Variants in GPT2 observed in about 807,000 individuals in gnomAD.
GPT2 encodes the protein alanine aminotransferase 2.
Under a neutral mutation model 56.9 loss-of-function variants are expected in GPT2, and 30 were observed. The observed-to-expected ratio is 0.53, with a 90% CI of 0.39 to 0.72. GPT2 has a LOEUF of 0.72. Among genes scored for constraint, GPT2 ranks in the 30% least tolerant of loss-of-function variants. GPT2 has a pLI of 0.00. For missense variants in GPT2, 542 were observed against 703.4 expected, an observed-to-expected ratio of 0.77 and a Z score of 2.60; for synonymous variants, 271 against 283.1, an observed-to-expected ratio of 0.96 and a Z score of 0.43.
At chr16:46,910,798 G>T (rs1175844857) in intron 6 of GPT2, among the ~76,000 whole-genome samples, 1 of 152,032 alleles carries the variant, frequency 6.6e-6, no homozygotes, top group Non-Finnish European at 1.5e-5. Context: ...ACAGGGTCTT[G>T]CTGTGTGTCC....
At chr16:46,915,199 A>AAT (rs1961120188) in intron 6 of GPT2, 1 of 152,132 alleles carries the variant, frequency 6.6e-6, no homozygotes, top group African/African-American at 2.4e-5. Context: ...GGCGTGAGCC[A>AAT]TTGTAGCAGG....
chr16:46,924,496 C>A lies in GPT2; in HGVS notation c.1320C>A (p.Tyr440Ter). Residue 440 changes from tyrosine (Y) to a stop codon, truncating the protein, a stop_gained, in exon 10 of 12, where the codon TAC becomes TAA. Coordinates refer to ENST00000340124, the MANE Select transcript of GPT2 (RefSeq NM_133443.4). LOFTEE classifies it high-confidence loss of function. ...GCAACCCCTTGCAGGGGGCCATGTA[C>A]GCCTTCCCTCGGATCTTCATTCCTG... The part of the protein sequence containing the change: ...IHCNPLQGAM[Y>*]AFPRIFIPAK... The A allele has an allele frequency of 6.2e-7, 1 of 1,614,228 alleles. No homozygotes were observed. The highest frequency in any genetic ancestry group is 8.5e-7 in the Non-Finnish European group (1 of 1,180,028).
At chr16:46,888,985 C>A (rs1010089123) in intron 2 of GPT2, among the ~76,000 whole-genome samples, 1 of 152,078 alleles carries the variant, frequency 6.6e-6, no homozygotes, top group Non-Finnish European at 1.5e-5. Flanking sequence ...AATAATAATA[C>A]TAATTGTTAA....
At chr16:46,902,226 G>A (rs1960833596) in intron 4 of GPT2, among the ~76,000 whole-genome samples, 1 of 152,230 alleles carries the variant, frequency 6.6e-6, no homozygotes, top group African/African-American at 2.4e-5. Context: ...GGGTATTACA[G>A]CAAAAGACCA....
At chr16:46,902,701 C>T (rs967175336) in intron 4 of GPT2, among the ~76,000 whole-genome samples, 1 of 152,156 alleles carries the variant, frequency 6.6e-6, no homozygotes, top group Non-Finnish European at 1.5e-5. Flanking sequence ...TCTTGGTTCA[C>T]TGCAACCTCT....
At chr16:46,928,080 G>A (rs887997353) in intron 11 of GPT2, among the ~76,000 whole-genome samples, 16 of 152,214 alleles carry the variant, frequency 1.1e-4, no homozygotes, top group Admixed American at 6.5e-4. Flanking sequence ...TGGCTCACAC[G>A]CTTTGGGAGG....
chr16:46,911,964 T>C (rs552533257), intron 6 of GPT2, among the ~76,000 whole-genome samples: 1 of 152,196 alleles, frequency 6.6e-6, no homozygotes, highest in Non-Finnish European at 1.5e-5. Context: ...ATCTGATATA[T>C]TGACATAAGT....
At chr16:46,901,445 T>C (rs1960815207) in intron 4 of GPT2, among the ~76,000 whole-genome samples, 2 of 152,180 alleles carry the variant, frequency 1.3e-5, no homozygotes, top group South Asian at 4.1e-4. Context: ...CTCCCTCCCC[T>C]GCGGTGATGG....
At chr16:46,887,711 A>G (rs757623018) in intron 2 of GPT2, among the ~76,000 whole-genome samples, 7 of 152,036 alleles carry the variant, frequency 4.6e-5, no homozygotes, top group Non-Finnish European at 1.0e-4. Flanking sequence ...CATGCTGTCT[A>G]TGGAATTCTT....
intron 5 of GPT2, 105 bp downstream of exon 5, chr16:46,907,080 C>T (rs1596871936): frequency 6.8e-7 from 1 of 1,468,002 alleles, no homozygotes; most frequent in Non-Finnish European, 9.4e-7. Context: ...AGGGTGGCAG[C>T]ACGGGTGGCC....
At chr16:46,899,223 AG>A in intron 3 of GPT2, among the ~76,000 whole-genome samples, 1 of 151,778 alleles carries the variant, frequency 6.6e-6, no homozygotes, top group South Asian at 2.1e-4. Flanking sequence ...TGGTAGAGAC[AG>A]GGTCTTGCTG....
intron 3 of GPT2, among the ~76,000 whole-genome samples, chr16:46,899,826 T>C (rs1384118202): frequency 6.6e-6 from 1 of 152,214 alleles, no homozygotes; most frequent in African/African-American, 2.4e-5. Flanking sequence ...CCTTATTTGC[T>C]GGAGACGTGT....
rs1567335838 is a variant in GPT2 at position 46,900,711 on chromosome 16, G to A, written c.363G>A (p.Leu121=). 6.2e-7 allele frequency: 1 copy of A among 1,614,050 alleles called. No individual in the cohort carries two copies. Among genetic ancestry groups the A allele is most frequent in the Middle Eastern group, 1.7e-4 (1 of 6,054 alleles). The change falls in exon 4 of 12, where the codon CTG becomes CTA. Residue 121 remains leucine, a synonymous_variant. Transcript: ENST00000340124. ...QVMALCTYPN[L]LDSPSFPEDA... is the part of the protein sequence containing the mutation. ...TGGCACTATGCACCTACCCAAACCT[G>A]CTGGACAGCCCCAGCTTCCCAGAAG... is the stretch of plus-strand genomic sequence containing the variant.
At chr16:46,916,518 T>C (rs1399106926) in intron 6 of GPT2, 110 bp from the exon 7 acceptor site, 8 of 816,730 alleles carry the variant, frequency 9.8e-6, no homozygotes, top group Non-Finnish European at 1.7e-5. Flanking sequence ...GGGTGTTCTA[T>C]GGGTCTCAAG....
intron 6 of GPT2, among the ~76,000 whole-genome samples, chr16:46,913,275 C>T (rs188500612): frequency 6.6e-6 from 1 of 152,200 alleles, no homozygotes; most frequent in Non-Finnish European, 1.5e-5. Context: ...TGCTTAGTCA[C>T]TTGTGTTTCC....
At chr16:46,906,577 CTCAG>C (rs1213255252) in intron 4 of GPT2, among the ~76,000 whole-genome samples, 2 of 152,068 alleles carry the variant, frequency 1.3e-5, no homozygotes, top group Middle Eastern at 3.2e-3. Flanking sequence ...ATAGTAGGTA[CTCAG>C]TCAGTACTGG....
chr16:46,897,124 T>C (rs1960698814), intron 2 of GPT2, among the ~76,000 whole-genome samples: 1 of 152,210 alleles, frequency 6.6e-6, no homozygotes, highest in African/African-American at 2.4e-5. Flanking sequence ...GGCTCACGCC[T>C]GTAATCCTAG....
chr16:46,921,247 C>A (rs1315933909), intron 8 of GPT2, among the ~76,000 whole-genome samples: 1 of 152,192 alleles, frequency 6.6e-6, no homozygotes, highest in Non-Finnish European at 1.5e-5. Flanking sequence ...TAGTTCACTG[C>A]AACCTCTGCC....
intron 11 of GPT2, among the ~76,000 whole-genome samples, chr16:46,927,372 G>A (rs1461340334): frequency 6.6e-6 from 1 of 152,224 alleles, no homozygotes; most frequent in Non-Finnish European, 1.5e-5. Context: ...TGCGATGGCA[G>A]CACACAGCTG....
Sources: allele counts gnomAD v4.1 joint callset (sites outside exome capture counted in the v4.1 genomes callset), GRCh38; gene constraint gnomAD v4.1.1; transcripts MANE v1.5; gene names NCBI Gene and HGNC (gene_info 2026-07-23, HGNC 2026-07-21).